The following SLC4A4 variants were observed in gnomAD, a reference collection of about 807,000 sequenced individuals.
The protein encoded by SLC4A4 is solute carrier family 4 member 4.
Under a neutral mutation model 111.5 loss-of-function variants are expected in SLC4A4, and 27 were observed. The ratio of observed to expected loss-of-function variants is 0.24; its 90% CI spans 0.18 to 0.33. The LOEUF (loss-of-function observed/expected upper bound fraction) is 0.33, where lower values mean the gene tolerates loss of function less well. Ranked by LOEUF, SLC4A4 falls within the 10% of genes least tolerant of loss-of-function variation. The pLI is 1.00. For synonymous variants in SLC4A4, 443 were observed against 463.4 expected (o/e 0.96, Z 0.57); for missense variants, 909 against 1,315.5 (o/e 0.69, Z 4.78).
At chr4:71,290,368 A>G (rs1724244531) in intron 3 of SLC4A4, among the ~76,000 whole-genome samples, 2 of 152,194 alleles carry the variant, frequency 1.3e-5, no homozygotes, top group South Asian at 4.1e-4. Flanking sequence ...CAAATGAGAC[A>G]AAGAGGTAGT....
In SLC4A4 at chr4:71,560,203, T is replaced by C. The variant is rs1204890610; in HGVS notation, c.3048T>C (p.Asp1016=). The C allele has an allele frequency of 1.2e-6, 2 of 1,610,486 alleles. No homozygotes were observed. The highest frequency in any genetic ancestry group is 1.1e-5 in the South Asian group (1 of 91,012). The change falls in exon 23 of 26, where the codon GAT becomes GAC. Residue 1016 remains aspartate, a synonymous_variant. Coordinates refer to ENST00000264485, the MANE Select transcript of SLC4A4 (RefSeq NM_001098484.3). ...IPEKDKKKKE[D]EKKKKKKKGS... ...AAAAGGACAAGAAAAAGAAGGAGGA[T>C]GAGAAGAAAAAGAAAAAGAAGAAGG...
chr4:71,081,490 A>C (rs1299931040), intron 1 of SLC4A4, among the ~76,000 whole-genome samples: 1 of 152,116 alleles, frequency 6.6e-6, no homozygotes, highest in East Asian at 1.9e-4. Flanking sequence ...GCTGCTTTGG[A>C]GTAGCTCTTA....
At chr4:71,161,431 C>A (rs931488240) in intron 2 of SLC4A4, among the ~76,000 whole-genome samples, 1 of 152,108 alleles carries the variant, frequency 6.6e-6, no homozygotes, top group Non-Finnish European at 1.5e-5. Flanking sequence ...CTCCAGTTGC[C>A]GTCCATTAGG....
At chr4:71,145,164 T>C (rs919385205) in intron 2 of SLC4A4, among the ~76,000 whole-genome samples, 25 of 152,216 alleles carry the variant, frequency 1.6e-4, no homozygotes, top group Non-Finnish European at 4.4e-5. Context: ...TGAAGGGGTG[T>C]TGAATTTTGT....
At position 71,369,788 on chromosome 4, in the gene SLC4A4, T is replaced by G. The variant is rs56152235; in HGVS notation, c.730+12601T>G. On this transcript the variant is annotated intron_variant, in intron 6 of 25. Transcript: ENST00000264485. ...CACAGGTTTCTAAACTGAGTATATG[T>G]GATATAATTTTTTTAAAGTAGAGTA... Among the ~76,000 whole-genome samples the G allele has an allele frequency of 8.0e-3, 1,212 of 152,256 alleles. 17 individuals are homozygous for G. The highest frequency in any genetic ancestry group is 0.026 in the African/African-American group (1,066 of 41,540).
chr4:71,083,622 G>A (rs1243226816), intron 1 of SLC4A4, among the ~76,000 whole-genome samples: 3 of 151,946 alleles, frequency 2.0e-5, no homozygotes, highest in Non-Finnish European at 4.4e-5. Flanking sequence ...GCCCTGAAAC[G>A]ATGACCTGAA....
chr4:71,149,860 T>G (rs1220070784), intron 2 of SLC4A4, among the ~76,000 whole-genome samples: 1 of 152,214 alleles, frequency 6.6e-6, no homozygotes, highest in Non-Finnish European at 1.5e-5. Context: ...TAATATTTTT[T>G]GATTCATCAA....
chr4:71,149,590 C>G (rs373956304), intron 2 of SLC4A4, among the ~76,000 whole-genome samples: 40 of 152,296 alleles, frequency 2.6e-4, no homozygotes, highest in African/African-American at 9.6e-4. Context: ...GCACTTTCTA[C>G]TTTATTTCTC....
chr4:71,482,816 A>G (rs891044281), intron 14 of SLC4A4, among the ~76,000 whole-genome samples: 2 of 151,612 alleles, frequency 1.3e-5, no homozygotes, highest in South Asian at 2.1e-4. Flanking sequence ...CTGTGGCCAC[A>G]TAAGTCATCT....
chr4:71,063,338 A>G (rs1464518636), intron 1 of SLC4A4, among the ~76,000 whole-genome samples: 1 of 152,164 alleles, frequency 6.6e-6, no homozygotes, highest in Non-Finnish European at 1.5e-5. Context: ...CAAAATCTCC[A>G]TTAAACGTCA....
intron 3 of SLC4A4, among the ~76,000 whole-genome samples, chr4:71,295,677 T>TA (rs79397022): frequency 0.075 from 11,372 of 151,884 alleles, 770 homozygotes; most frequent in Admixed American, 0.21. Context: ...TCTTTTTTTT[T>TA]ACATGGAGTC....
intron 3 of SLC4A4, among the ~76,000 whole-genome samples, chr4:71,258,520 G>A (rs552047431): frequency 6.6e-6 from 1 of 152,272 alleles, no homozygotes; most frequent in East Asian, 1.9e-4. Flanking sequence ...TGTTCACTTT[G>A]TTATCTTTGG....
intron 1 of SLC4A4, among the ~76,000 whole-genome samples, chr4:71,198,770 G>A (rs112213338): frequency 1.5e-3 from 223 of 152,218 alleles, no homozygotes; most frequent in African/African-American, 5.2e-3. Flanking sequence ...AGACCAGCCT[G>A]GGCAGCATAG....
At chr4:71,340,481 G>A (rs960715003) in intron 4 of SLC4A4, among the ~76,000 whole-genome samples, 3 of 151,796 alleles carry the variant, frequency 2.0e-5, no homozygotes, top group Non-Finnish European at 2.9e-5. Flanking sequence ...ACTTTATTAC[G>A]TTTTATATAC....
intron 3 of SLC4A4, among the ~76,000 whole-genome samples, chr4:71,286,239 C>CA (rs1014606124): frequency 1.1e-4 from 16 of 151,044 alleles, no homozygotes; most frequent in Middle Eastern, 3.4e-3. Context: ...GACTCCATCT[C>CA]AAAAAAAAAG....
intron 2 of SLC4A4, among the ~76,000 whole-genome samples, chr4:71,141,796 A>G (rs891273527): frequency 2.6e-5 from 4 of 152,228 alleles, no homozygotes; most frequent in African/African-American, 9.6e-5. Context: ...CAATTCATTG[A>G]TATATACTAA....
At chr4:71,515,542 A>G (rs1251081127) in intron 16 of SLC4A4, among the ~76,000 whole-genome samples, 3 of 152,152 alleles carry the variant, frequency 2.0e-5, no homozygotes, top group Non-Finnish European at 4.4e-5. Flanking sequence ...TTTTAAATCT[A>G]GATTATCTAT....
chr4:71,184,968 A>G (rs1176432275), upstream of SLC4A4, among the ~76,000 whole-genome samples: 1 of 152,214 alleles, frequency 6.6e-6, no homozygotes, highest in African/African-American at 2.4e-5. Flanking sequence ...CATTAATTTA[A>G]GACACATACC....
At chr4:71,208,995 C>A (rs1319469849) in intron 1 of SLC4A4, among the ~76,000 whole-genome samples, 1 of 152,044 alleles carries the variant, frequency 6.6e-6, no homozygotes, top group Non-Finnish European at 1.5e-5. Flanking sequence ...AATTTGGTTA[C>A]GCTAGAAACC....
Sources: gnomAD v4.1 joint callset for allele counts (sites outside exome capture counted in the v4.1 genomes callset) on GRCh38, gnomAD v4.1.1 for gene constraint, MANE v1.5 for transcripts, NCBI Gene and HGNC (gene_info 2026-07-23, HGNC 2026-07-21) for gene names.